Variants in RABGAP1L observed in about 807,000 individuals in gnomAD.
RABGAP1L encodes the protein RAB GTPase activating protein 1 like.
In RABGAP1L, 63 loss-of-function variants were observed where a neutral mutation model predicts 137.7. The observed-to-expected ratio is 0.46, with a 90% CI of 0.37 to 0.56. The LOEUF (loss-of-function observed/expected upper bound fraction) is 0.56. RABGAP1L is among the 20% of genes least tolerant of loss of function. The pLI is 0.00. For missense variants in RABGAP1L, 1,095 were observed against 1,244.0 expected (o/e 0.88, Z 1.80); for synonymous variants, 431 against 433.7 (o/e 0.99, Z 0.08).
Position 174,699,086 on chromosome 1 carries a change from C to T in RABGAP1L, c.1900-439C>T, listed in dbSNP as rs529761041. ...TTTGCTCACTGCAACCTCCACCTCCCAGGCTCAAGCGATCCTTCCACCTCA... is the reference window on the plus strand; with the variant it reads ...TTTGCTCACTGCAACCTCCACCTCCTAGGCTCAAGCGATCCTTCCACCTCA... On this transcript the variant is annotated intron_variant, in intron 15 of 25. Transcript: ENST00000681986. Among the ~76,000 whole-genome samples, 6 of 152,104 alleles carry T rather than the reference C, an allele frequency of 3.9e-5. No homozygotes were observed. The South Asian group carries it at 1.0e-3, about 26-fold the overall frequency.
intron 13 of RABGAP1L, among the ~76,000 whole-genome samples, chr1:174,619,532 C>G (rs1672242276): frequency 1.3e-5 from 2 of 152,136 alleles, no homozygotes; most frequent in Non-Finnish European, 2.9e-5. Flanking sequence ...TCATATCCAG[C>G]CAAACTAAGC....
At chr1:174,288,190 AT>A (rs1676244622) in intron 10 of RABGAP1L, among the ~76,000 whole-genome samples, 1 of 152,212 alleles carries the variant, frequency 6.6e-6, no homozygotes, top group Non-Finnish European at 1.5e-5. Context: ...AGCTATAATT[AT>A]TTTTAATATG....
At chr1:174,981,705 A>G (rs1671146814) in intron 23 of RABGAP1L, among the ~76,000 whole-genome samples, 1 of 151,840 alleles carries the variant, frequency 6.6e-6, no homozygotes, top group African/African-American at 2.4e-5. Context: ...CTAAAATAAA[A>G]GATTCTTATT....
intron 17 of RABGAP1L, among the ~76,000 whole-genome samples, chr1:174,727,107 TAAG>T (rs1682049891): frequency 6.6e-6 from 1 of 152,118 alleles, no homozygotes; most frequent in Non-Finnish European, 1.5e-5. Flanking sequence ...TCCTTCTCCA[TAAG>T]AAGAAGATAA....
chr1:174,516,101 G>A (rs963764210), intron 13 of RABGAP1L, among the ~76,000 whole-genome samples: 3 of 144,682 alleles, frequency 2.1e-5, no homozygotes, highest in Non-Finnish European at 4.5e-5. Context: ...TGAAAGTCAA[G>A]GGATGAAAAC....
rs556278251 is a variant in RABGAP1L, at chr1:174,720,014, AAT to A, written c.2169+17760_2169+17761del. On this transcript the variant is annotated intron_variant, in intron 17 of 25. Transcript: ENST00000681986. ...TGTAGTTCATAGCAACTTTCACTAG[AAT>A]AATTTGGGAGGGGTGGGAGAGGGAC... Among the ~76,000 whole-genome samples, 282 of 152,096 alleles carry A rather than the reference AAT, an allele frequency of 1.9e-3. 1 individual carries two copies. Among genetic ancestry groups the A allele is most frequent in the Non-Finnish European group, 3.3e-3 (226 of 68,008 alleles).
intron 15 of RABGAP1L, among the ~76,000 whole-genome samples, chr1:174,689,049 T>C (rs933975651): frequency 1.3e-5 from 2 of 152,132 alleles, no homozygotes; most frequent in East Asian, 3.8e-4. Flanking sequence ...GTATTCTCTT[T>C]CTTAACCTAG....
intron 5 of RABGAP1L, 111 bp from the exon 6 acceptor site, chr1:174,250,364 C>A: frequency 1.4e-6 from 1 of 698,062 alleles, no homozygotes; most frequent in East Asian, 2.9e-5. Flanking sequence ...AATATATATT[C>A]TGCCAAAGAA....
intron 19 of RABGAP1L, among the ~76,000 whole-genome samples, chr1:174,930,851 A>G (rs906201978): frequency 2.6e-5 from 4 of 152,204 alleles, no homozygotes; most frequent in African/African-American, 9.7e-5. Context: ...CATAACCATA[A>G]TATTGATATC....
intron 13 of RABGAP1L, among the ~76,000 whole-genome samples, chr1:174,473,801 C>T (rs939997036): frequency 2.6e-5 from 4 of 152,152 alleles, no homozygotes; most frequent in African/African-American, 7.2e-5. Context: ...TGCAATCATT[C>T]GCCCCTAAAG....
intron 11 of RABGAP1L, among the ~76,000 whole-genome samples, chr1:174,334,489 T>C (rs1358356907): frequency 6.6e-6 from 1 of 152,226 alleles, no homozygotes; most frequent in Admixed American, 6.5e-5. Flanking sequence ...TTACCATGAT[T>C]CACAAAACCA....
intron 11 of RABGAP1L, among the ~76,000 whole-genome samples, chr1:174,352,669 T>C (rs1364949566): frequency 6.6e-6 from 1 of 152,134 alleles, no homozygotes; most frequent in East Asian, 1.9e-4. Context: ...AAGAGTTAGG[T>C]ATTTATTGTA....
At chr1:174,357,949 A>G (rs1453056163) in intron 11 of RABGAP1L, among the ~76,000 whole-genome samples, 3 of 152,160 alleles carry the variant, frequency 2.0e-5, no homozygotes, top group Admixed American at 6.6e-5. Context: ...TCTTACAGCC[A>G]CTCTCTAAGA....
intron 18 of RABGAP1L, among the ~76,000 whole-genome samples, chr1:174,796,638 C>T (rs1459064983): frequency 3.9e-4 from 59 of 152,148 alleles, no homozygotes; most frequent in Non-Finnish European, 2.9e-5. Context: ...TACATGACCA[C>T]TTGTTGTAGT....
chr1:174,928,823 CTAGT>C (rs1663244338), intron 19 of RABGAP1L, among the ~76,000 whole-genome samples: 1 of 152,108 alleles, frequency 6.6e-6, no homozygotes, highest in Admixed American at 6.6e-5. Flanking sequence ...GTGCTGGGAA[CTAGT>C]TAGATAGAGC....
chr1:174,196,972 C>T (rs187264130), intron 1 of RABGAP1L, among the ~76,000 whole-genome samples: 1 of 152,056 alleles, frequency 6.6e-6, no homozygotes, highest in Admixed American at 6.6e-5. Flanking sequence ...AGATATAGAT[C>T]ATATTAAATT....
intron 11 of RABGAP1L, among the ~76,000 whole-genome samples, chr1:174,356,804 A>G (rs1423627248): frequency 6.6e-6 from 1 of 152,230 alleles, no homozygotes; most frequent in Non-Finnish European, 1.5e-5. Context: ...AGTGATAGGC[A>G]TAAAACAGAA....
chr1:174,927,964 C>T (rs1236153848), intron 19 of RABGAP1L, among the ~76,000 whole-genome samples: 1 of 152,114 alleles, frequency 6.6e-6, no homozygotes, highest in East Asian at 1.9e-4. Flanking sequence ...TAATTATTCT[C>T]CATGTACCTG....
At chr1:174,632,034 G>T (rs1673437613) in intron 13 of RABGAP1L, among the ~76,000 whole-genome samples, 1 of 117,792 alleles carries the variant, frequency 8.5e-6, no homozygotes, top group South Asian at 3.6e-4. Context: ...GCTGGTACCG[G>T]TTGTTCCTTT....
Sources: allele counts gnomAD v4.1 joint callset (sites outside exome capture counted in the v4.1 genomes callset), GRCh38; gene constraint gnomAD v4.1.1; transcripts MANE v1.5; gene names NCBI Gene and HGNC (gene_info 2026-07-23, HGNC 2026-07-21).